ANTXR2: variants seen among roughly 807,000 people sequenced by gnomAD.
The protein encoded by ANTXR2 is ANTXR cell adhesion molecule 2.
ANTXR2 carries 44 observed loss-of-function variants against 73.7 expected under a neutral mutation model. The observed-to-expected ratio is 0.60, with a 90% CI of 0.47 to 0.77. ANTXR2 has a LOEUF of 0.77. Ranked by LOEUF, ANTXR2 falls within the 30% of genes least tolerant of loss-of-function variation. The pLI is 0.00. For synonymous variants in ANTXR2, 217 were observed against 205.9 expected, an observed-to-expected ratio of 1.05 and a Z score of -0.46; for missense variants, 604 against 592.5, an observed-to-expected ratio of 1.02 and a Z score of -0.20.
intron 3 of ANTXR2, among the ~76,000 whole-genome samples, chr4:80,067,118 A>C (rs952606854): frequency 2.0e-5 from 3 of 152,000 alleles, no homozygotes; most frequent in African/African-American, 7.2e-5. Flanking sequence ...AGGCAGGAGA[A>C]TGGTGTGAAC....
intron 10 of ANTXR2, among the ~76,000 whole-genome samples, chr4:80,030,740 A>G (rs1242537757): frequency 2.0e-5 from 3 of 152,102 alleles, no homozygotes; most frequent in Admixed American, 6.6e-5. Context: ...TCTTAGTTTC[A>G]TAGAGGAAAA....
At chr4:80,023,770 G>T (rs1216025363) in intron 10 of ANTXR2, among the ~76,000 whole-genome samples, 2 of 152,152 alleles carry the variant, frequency 1.3e-5, no homozygotes, top group Non-Finnish European at 2.9e-5. Context: ...GAACAGTCAA[G>T]GCAGTAAAAG....
At chr4:80,012,792 C>T (rs372504005) in intron 11 of ANTXR2, among the ~76,000 whole-genome samples, 16 of 152,198 alleles carry the variant, frequency 1.1e-4, no homozygotes, top group African/African-American at 3.4e-4. Flanking sequence ...CTGTTACACT[C>T]ATCAAACCAT....
intron 12 of ANTXR2, 140 bp from the exon 13 acceptor site, chr4:79,985,003 C>A (rs552634291): frequency 3.3e-5 from 23 of 689,230 alleles, no homozygotes; most frequent in Admixed American, 2.6e-4. Flanking sequence ...AATATTTATG[C>A]CCCTCTCTTT....
At chr4:80,020,900 G>A (rs1249723580) in intron 10 of ANTXR2, among the ~76,000 whole-genome samples, 2 of 152,044 alleles carry the variant, frequency 1.3e-5, no homozygotes, top group African/African-American at 2.4e-5. Flanking sequence ...AGTGGCTCAC[G>A]CCTGTAATCC....
chr4:80,039,487 A>T lies in ANTXR2; in HGVS notation c.637-3455T>A, dbSNP rs1733132663. Reference sequence around the variant, plus strand: ...AAGATATCAAAATGGGTGAACAGACACTTCTCAAAAGAAGACATACAAGTG... The same window carrying T: ...AAGATATCAAAATGGGTGAACAGACTCTTCTCAAAAGAAGACATACAAGTG... On this transcript the variant is annotated intron_variant, in intron 7 of 16. Coordinates refer to ENST00000403729, the MANE Select transcript of ANTXR2 (RefSeq NM_058172.6). 4.6e-5 allele frequency among the ~76,000 whole-genome samples: 7 copies of T among 152,162 alleles called. No homozygotes were observed. The South Asian group carries it at 1.5e-3, about 32-fold the overall frequency.
At chr4:79,937,164 CAACA>C (rs1728296994) in intron 16 of ANTXR2, among the ~76,000 whole-genome samples, 1 of 152,034 alleles carries the variant, frequency 6.6e-6, no homozygotes, top group South Asian at 2.1e-4. Flanking sequence ...ACTGTATTCT[CAACA>C]GTAGCATTAA....
At chr4:80,015,020 T>C (rs920555971) in intron 11 of ANTXR2, among the ~76,000 whole-genome samples, 3 of 152,200 alleles carry the variant, frequency 2.0e-5, no homozygotes, top group Middle Eastern at 3.2e-3. Context: ...TGCATTTTTG[T>C]CTTTGACTCT....
At chr4:79,927,061 G>A (rs13117030) in intron 16 of ANTXR2, among the ~76,000 whole-genome samples, 76,058 of 144,326 alleles carry the variant, frequency 0.53, 20,609 homozygotes, top group Non-Finnish European at 0.58. Context: ...GTGTGTGTGT[G>A]TATATATATA....
chr4:79,906,826 A>C lies in ANTXR2; in HGVS notation c.*603T>G, dbSNP rs1726930639. 3.9e-5 allele frequency: 6 copies of C among 152,992 alleles called. No homozygotes were observed. The Admixed American group carries it at 3.9e-4, about 10-fold the overall frequency. 9.5% of individuals were successfully genotyped at this position (152,992 alleles called of 1,614,324 possible). ...TGTCTACATTTTGTCATGCGTGTGC[A>C]CTTTTCAGTGTTAGAATGACAAGAT... On this transcript the variant is annotated 3_prime_UTR_variant, in exon 17 of 17. Transcript: ENST00000403729.
intron 10 of ANTXR2, among the ~76,000 whole-genome samples, chr4:80,022,080 ACT>A (rs576154305): frequency 2.4e-4 from 37 of 152,266 alleles, no homozygotes; most frequent in African/African-American, 8.4e-4. Flanking sequence ...GACTTCACTG[ACT>A]CTGTACTCAA....
chr4:79,914,057 T>A (rs1186804801), intron 16 of ANTXR2, among the ~76,000 whole-genome samples: 1 of 151,066 alleles, frequency 6.6e-6, no homozygotes, highest in Non-Finnish European at 1.5e-5. Flanking sequence ...GCATTCTCTC[T>A]TTTTTTTTGG....
At chr4:79,990,678 T>C (rs758772300) in intron 12 of ANTXR2, among the ~76,000 whole-genome samples, 3 of 151,984 alleles carry the variant, frequency 2.0e-5, no homozygotes, top group Non-Finnish European at 4.4e-5. Context: ...TAGCCAAAGC[T>C]ATCCTAAGCA....
chr4:80,068,683 A>T (rs973278353), intron 3 of ANTXR2, among the ~76,000 whole-genome samples: 2 of 152,172 alleles, frequency 1.3e-5, no homozygotes, highest in Non-Finnish European at 2.9e-5. Context: ...GAAGCATGAG[A>T]ATTGCTTGAA....
chr4:79,911,672 G>A (rs11935791), intron 16 of ANTXR2, among the ~76,000 whole-genome samples: 49,566 of 151,538 alleles, frequency 0.33, 10,204 homozygotes, highest in Non-Finnish European at 0.45. Flanking sequence ...AAAGTAATTC[G>A]ATAAACTGGA....
At chr4:80,066,752 C>T (rs1181272732) in intron 3 of ANTXR2, among the ~76,000 whole-genome samples, 5 of 152,016 alleles carry the variant, frequency 3.3e-5, no homozygotes, top group Admixed American at 2.6e-4. Flanking sequence ...TCATCATTGC[C>T]GTCATTATAT....
At chr4:80,068,706 G>A (rs538378990) in intron 3 of ANTXR2, among the ~76,000 whole-genome samples, 12 of 152,146 alleles carry the variant, frequency 7.9e-5, no homozygotes, top group Admixed American at 4.6e-4. Flanking sequence ...TGGGAGGTGG[G>A]GGCTGCAGTG....
chr4:80,019,528 A>G (rs1037530181), intron 10 of ANTXR2, among the ~76,000 whole-genome samples: 3 of 152,248 alleles, frequency 2.0e-5, no homozygotes, highest in Admixed American at 2.0e-4. Context: ...AGAAATTTCT[A>G]AATCCAGAAA....
rs886041401 is a variant in ANTXR2 at position 80,072,427 on chromosome 4, A to G, written c.134T>C (p.Leu45Pro). The change falls in exon 1 of 17, where the codon CTC becomes CCC. Residue 45 changes from leucine (L) to proline (P), a missense_variant. Leu to Pro is a moderately conservative substitution (Grantham distance 98). Transcript: ENST00000403729. ...EQPSCRRAFDLYFVLDKSGSV... is the reference protein window; with the variant it reads ...EQPSCRRAFDPYFVLDKSGSV... Reference sequence around the variant, plus strand: ...CACTCACTTGTCCAGGACGAAGTAGAGATCAAAGGCTCTTCTGCAGGAGGG... The same window carrying G: ...CACTCACTTGTCCAGGACGAAGTAGGGATCAAAGGCTCTTCTGCAGGAGGG... The G allele has an allele frequency of 6.2e-7, 1 of 1,605,168 alleles. No homozygotes were observed. Among genetic ancestry groups the G allele is most frequent in the Middle Eastern group, 1.7e-4 (1 of 6,036 alleles).
Sources: allele counts gnomAD v4.1 joint callset (sites outside exome capture counted in the v4.1 genomes callset), GRCh38; gene constraint gnomAD v4.1.1; transcripts MANE v1.5; gene names NCBI Gene and HGNC (gene_info 2026-07-23, HGNC 2026-07-21).